PLEKHA3: variants seen among roughly 807,000 people sequenced by gnomAD.
PLEKHA3 encodes pleckstrin homology domain-containing family A member 3.
In PLEKHA3, 19 loss-of-function variants were observed where a neutral mutation model predicts 39.2. That is an observed-to-expected ratio of 0.48 (90% CI 0.34 to 0.71). The LOEUF (loss-of-function observed/expected upper bound fraction) is 0.71, where lower values mean the gene tolerates loss of function less well. Among genes scored for constraint, PLEKHA3 ranks in the 30% least tolerant of loss-of-function variants. The probability of loss-of-function intolerance (pLI) is 0.01; values close to 1 mark genes in which losing one functional copy is unlikely to be tolerated. For missense variants in PLEKHA3, 253 were observed against 359.5 expected, an observed-to-expected ratio of 0.70 and a Z score of 2.40; for synonymous variants, 97 against 118.6, an observed-to-expected ratio of 0.82 and a Z score of 1.18.
rs1685700499 is a variant in PLEKHA3 at position 178,512,294 on chromosome 2, C to T, written c.*8407C>T. The T allele has an allele frequency of 6.6e-6, 1 of 151,988 alleles. No homozygotes were observed. The highest frequency in any genetic ancestry group is 2.4e-5 in the African/African-American group (1 of 41,354). The allele number at this position is 151,988 out of a possible 1,614,324, so 9.4% of individuals were successfully genotyped here. Reference sequence around the variant, plus strand: ...TTTTGCTTAGTTACTGTAGATAAACCAAATAAATTAATGTAAAGGGATATT... The same window carrying T: ...TTTTGCTTAGTTACTGTAGATAAACTAAATAAATTAATGTAAAGGGATATT... On this transcript the variant is annotated 3_prime_UTR_variant, in exon 8 of 8. Coordinates refer to ENST00000234453, the MANE Select transcript of PLEKHA3 (RefSeq NM_019091.4).
chr2:178,483,118 G>T (rs1344849473), intron 1 of PLEKHA3, among the ~76,000 whole-genome samples: 1 of 152,096 alleles, frequency 6.6e-6, no homozygotes, highest in Non-Finnish European at 1.5e-5. Flanking sequence ...AATTAGCCAG[G>T]CATGATGGCA....
intron 2 of PLEKHA3, among the ~76,000 whole-genome samples, chr2:178,486,448 C>T (rs920781745): frequency 2.6e-5 from 4 of 152,120 alleles, no homozygotes; most frequent in Admixed American, 6.5e-5. Flanking sequence ...CCTTCCTGGT[C>T]GTTTTCATTT....
chr2:178,481,145 C>A (rs1287300363), intron 1 of PLEKHA3, among the ~76,000 whole-genome samples: 1 of 152,144 alleles, frequency 6.6e-6, no homozygotes, highest in Non-Finnish European at 1.5e-5. Context: ...TAATACTAAT[C>A]CTTGCCTCCT....
rs987083409 is a variant in PLEKHA3, at chr2:178,491,337, T to C, written c.313+523T>C. 2.0e-5 allele frequency among the ~76,000 whole-genome samples: 3 copies of C among 152,160 alleles called. No homozygotes were observed. The East Asian group carries it at 5.8e-4, about 29-fold the overall frequency. On this transcript the variant is annotated intron_variant, in intron 3 of 7. Transcript: ENST00000234453. ...AAACTCGTGCTTTCACTGGCTGATA[T>C]ATAGACAGTAAGATGTTGAAAAGGA...
chr2:178,501,193 C>T lies in PLEKHA3; in HGVS notation c.775+17C>T. The T allele has an allele frequency of 6.3e-7, 1 of 1,575,438 alleles. No individual in the cohort carries two copies. Among genetic ancestry groups the T allele is most frequent in the Non-Finnish European group, 8.7e-7 (1 of 1,149,614 alleles). On this transcript the variant is annotated intron_variant, in intron 7 of 7. Coordinates refer to ENST00000234453, the MANE Select transcript of PLEKHA3 (RefSeq NM_019091.4). ...ACCCAGATAGTAAGTGACATAGATT[C>T]TGTCTCTTTCTTTGGCATATTCAGC... is the stretch of plus-strand genomic sequence containing the variant.
intron 2 of PLEKHA3, among the ~76,000 whole-genome samples, chr2:178,489,451 CTTTTTTTT>C (rs71023445): frequency 3.6e-5 from 3 of 82,344 alleles, no homozygotes; most frequent in South Asian, 4.8e-4. Context: ...TCTTTTCCTT[CTTTTTTTT>C]TTTTTTTTTT....
At chr2:178,498,226 C>T (rs891159105) in intron 5 of PLEKHA3, among the ~76,000 whole-genome samples, 2 of 152,060 alleles carry the variant, frequency 1.3e-5, no homozygotes, top group African/African-American at 4.8e-5. Context: ...GGTTAGTAAG[C>T]CTAAAGGAAG....
chr2:178,510,287 T>G lies in PLEKHA3; in HGVS notation c.*6400T>G, dbSNP rs1558933545. The stretch of plus-strand genomic sequence containing the variant: ...TCAGTTATAGTTACTTTAAAAGTTT[T>G]AAAAAGAGTATAACAATTTTGATGT... On this transcript the variant is annotated 3_prime_UTR_variant, in exon 8 of 8. Coordinates refer to ENST00000234453, the MANE Select transcript of PLEKHA3 (RefSeq NM_019091.4). The G allele has an allele frequency of 1.3e-5, 2 of 153,822 alleles. No individual in the cohort carries two copies. Among genetic ancestry groups the G allele is most frequent in the East Asian group, 3.9e-4 (2 of 5,192 alleles). 9.5% of individuals were successfully genotyped at this position (153,822 alleles called of 1,614,324 possible).
chr2:178,503,904 A>C lies in PLEKHA3; in HGVS notation c.*17A>C. The C allele has an allele frequency of 6.2e-7, 1 of 1,610,182 alleles. No individual in the cohort carries two copies. Among genetic ancestry groups the C allele is most frequent in the South Asian group, 1.1e-5 (1 of 90,924 alleles). On this transcript the variant is annotated 3_prime_UTR_variant, in exon 8 of 8. Transcript: ENST00000234453. Reference sequence around the variant, plus strand: ...TCTTCCTGAAGAAACTGAAGTGTCCAACTTCCTCTAAGTATTGCTATGCAA... The same window carrying C: ...TCTTCCTGAAGAAACTGAAGTGTCCCACTTCCTCTAAGTATTGCTATGCAA...
chr2:178,500,762 A>G (rs1023923893), intron 6 of PLEKHA3, among the ~76,000 whole-genome samples: 1 of 152,020 alleles, frequency 6.6e-6, no homozygotes, highest in Non-Finnish European at 1.5e-5. Flanking sequence ...CTAGTTTTCA[A>G]ACATTTGTAA....
In PLEKHA3 at chr2:178,509,440, A is replaced by T. The variant is rs114221821; in HGVS notation, c.*5553A>T. ...GTGTGTTGAATAAGTGTTAGTTATT[A>T]ATATTGTTTACTATCATTATTATTA... On this transcript the variant is annotated 3_prime_UTR_variant, in exon 8 of 8. Transcript: ENST00000234453. 9 of 152,106 alleles carry T rather than the reference A, an allele frequency of 5.9e-5. No individual in the cohort carries two copies. The highest frequency in any genetic ancestry group is 3.9e-4 in the Admixed American group (6 of 15,276). The allele number at this position is 152,106 out of a possible 1,614,324, so 9.4% of individuals were successfully genotyped here. A position where few individuals can be genotyped will look rare whatever the true frequency, so the allele number is the denominator to read the frequency against.
chr2:178,513,345 G>A lies in PLEKHA3; in HGVS notation c.*9458G>A, dbSNP rs1685715123. On this transcript the variant is annotated 3_prime_UTR_variant, in exon 8 of 8. Transcript: ENST00000234453. ...TTATGATGCATCTGGTACTAAAGAA[G>A]GAGCTGGCTTTATGACCTTTACTTG... 3 of 152,178 alleles carry A rather than the reference G, an allele frequency of 2.0e-5. No individual in the cohort carries two copies. Among genetic ancestry groups the A allele is most frequent in the South Asian group, 4.1e-4 (2 of 4,830 alleles). The allele number at this position is 152,178 out of a possible 1,614,324, so 9.4% of individuals were successfully genotyped here.
Position 178,501,178 on chromosome 2 carries a change from T to G in PLEKHA3, c.775+2T>G. ...ATATTCCTCTTGAAGACCCAGATAG[T>G]AAGTGACATAGATTCTGTCTCTTTC... On this transcript the variant is annotated splice_donor_variant, in intron 7 of 7. Coordinates refer to ENST00000234453, the MANE Select transcript of PLEKHA3 (RefSeq NM_019091.4). LOFTEE classifies it high-confidence loss of function. The G allele has an allele frequency of 6.3e-7, 1 of 1,599,328 alleles. No individual in the cohort carries two copies. The highest frequency in any genetic ancestry group is 8.6e-7 in the Non-Finnish European group (1 of 1,168,970).
chr2:178,515,526 T>C lies in PLEKHA3; in HGVS notation c.*11639T>C, dbSNP rs1385072853. On this transcript the variant is annotated 3_prime_UTR_variant, in exon 8 of 8. Transcript: ENST00000234453. Reference sequence around the variant, plus strand: ...TACTATTTCTATATTAGGTATATTATTTCAGAAAAGAAAATAATCACTTGG... The same window carrying C: ...TACTATTTCTATATTAGGTATATTACTTCAGAAAAGAAAATAATCACTTGG... The C allele has an allele frequency of 6.6e-6, 1 of 152,170 alleles. No individual in the cohort carries two copies. The highest frequency in any genetic ancestry group is 1.5e-5 in the Non-Finnish European group (1 of 68,024). The allele number at this position is 152,170 out of a possible 1,614,324, so 9.4% of individuals were successfully genotyped here.
chr2:178,516,347 AT>A lies in PLEKHA3; in HGVS notation c.*12467del. 6.6e-6 allele frequency: 1 copy of A among 152,160 alleles called. No individual in the cohort carries two copies. Among genetic ancestry groups the A allele is most frequent in the Non-Finnish European group, 1.5e-5 (1 of 67,982 alleles). 9.4% of individuals were successfully genotyped at this position (152,160 alleles called of 1,614,324 possible). A position where few individuals can be genotyped will look rare whatever the true frequency, so the allele number is the denominator to read the frequency against. The stretch of plus-strand genomic sequence containing the variant: ...ATATATGTATACTTATTTTGTGAGT[AT>A]TTTTTTCTTTTCCAAATTCCAAAAG... On this transcript the variant is annotated 3_prime_UTR_variant, in exon 8 of 8. Coordinates refer to ENST00000234453, the MANE Select transcript of PLEKHA3 (RefSeq NM_019091.4).
Position 178,490,651 on chromosome 2 carries a change from C to T in PLEKHA3, c.158-8C>T. 1 of 1,609,464 alleles carries T rather than the reference C, an allele frequency of 6.2e-7. No individual in the cohort carries two copies. The highest frequency in any genetic ancestry group is 8.5e-7 in the Non-Finnish European group (1 of 1,177,342). The stretch of plus-strand genomic sequence containing the variant: ...ATAACTGTATTTCCCCTTTGTTTAT[C>T]ATCATAGTTCATTCAGCAGACAACA... On this transcript the variant is annotated splice_polypyrimidine_tract_variant and splice_region_variant and intron_variant, in intron 2 of 7. Transcript: ENST00000234453.
chr2:178,499,641 A>G (rs1056877975), intron 6 of PLEKHA3, among the ~76,000 whole-genome samples: 8 of 152,134 alleles, frequency 5.3e-5, no homozygotes, highest in African/African-American at 1.9e-4. Flanking sequence ...GTATGTTTAG[A>G]TACACAAATA....
intron 5 of PLEKHA3, among the ~76,000 whole-genome samples, chr2:178,496,089 G>A (rs923456093): frequency 1.1e-4 from 16 of 152,116 alleles, no homozygotes; most frequent in African/African-American, 3.9e-4. Flanking sequence ...CGGTGGGAAC[G>A]GTATTCTCTA....
chr2:178,498,817 AAG>A (rs1449206344), intron 5 of PLEKHA3, among the ~76,000 whole-genome samples: 1 of 152,114 alleles, frequency 6.6e-6, no homozygotes, highest in Non-Finnish European at 1.5e-5. Context: ...TCCTTTAAAA[AAG>A]AGATATTTAT....
Sources: gnomAD v4.1 joint callset for allele counts (sites outside exome capture counted in the v4.1 genomes callset) on GRCh38, gnomAD v4.1.1 for gene constraint, MANE v1.5 for transcripts, NCBI Gene and HGNC (gene_info 2026-07-23, HGNC 2026-07-21) for gene names.